MIPOL1: variants seen among roughly 807,000 people sequenced by gnomAD.
The protein encoded by MIPOL1 is mirror-image polydactyly 1, also known as mirror-image polydactyly gene 1 protein.
MIPOL1 carries 57 observed loss-of-function variants against 60.9 expected under a neutral mutation model. The ratio of observed to expected loss-of-function variants is 0.94; its 90% CI spans 0.76 to 1.17. The LOEUF (loss-of-function observed/expected upper bound fraction) is 1.17, where lower values mean the gene tolerates loss of function less well. Ranked by LOEUF, MIPOL1 falls within the 50% of genes most tolerant of loss-of-function variation. The pLI is 0.00. For synonymous variants in MIPOL1, 179 were observed against 168.8 expected (o/e 1.06, Z -0.47); for missense variants, 551 against 511.6 (o/e 1.08, Z -0.74).
chr14:37,228,346 T>A (rs969665064), intron 1 of MIPOL1, among the ~76,000 whole-genome samples: 3 of 144,216 alleles, frequency 2.1e-5, no homozygotes, highest in Non-Finnish European at 3.0e-5. Flanking sequence ...TTTTTTTTTT[T>A]AGTAGTTCCA....
chr14:37,517,317 CAG>C (rs1224618825), intron 12 of MIPOL1, among the ~76,000 whole-genome samples: 1 of 152,088 alleles, frequency 6.6e-6, no homozygotes, highest in East Asian at 1.9e-4. Flanking sequence ...TGTTTGGAAA[CAG>C]AAAGGGAGAA....
At chr14:37,509,614 C>G (rs1460404900) in intron 12 of MIPOL1, among the ~76,000 whole-genome samples, 9 of 151,284 alleles carry the variant, frequency 5.9e-5, no homozygotes, top group Admixed American at 5.9e-4. Flanking sequence ...TACATATATA[C>G]ATACACATTA....
intron 10 of MIPOL1, among the ~76,000 whole-genome samples, chr14:37,411,466 A>G (rs1566551779): frequency 6.6e-6 from 1 of 152,138 alleles, no homozygotes. Context: ...CAGTTTTTCC[A>G]TTCCTCATGT....
At chr14:37,373,672 T>C (rs1431916805) in intron 10 of MIPOL1, among the ~76,000 whole-genome samples, 2 of 152,196 alleles carry the variant, frequency 1.3e-5, no homozygotes, top group Non-Finnish European at 2.9e-5. Context: ...TTGCTGAGAA[T>C]GATGATTTCC....
intron 9 of MIPOL1, among the ~76,000 whole-genome samples, chr14:37,317,040 A>C (rs117403820): frequency 6.6e-6 from 1 of 152,104 alleles, no homozygotes; most frequent in Non-Finnish European, 1.5e-5. Context: ...TAGATGAGTA[A>C]ATTGATAGGA....
intron 11 of MIPOL1, among the ~76,000 whole-genome samples, chr14:37,435,500 G>T (rs2094149686): frequency 6.6e-6 from 1 of 151,888 alleles, no homozygotes; most frequent in South Asian, 2.1e-4. Context: ...TGTATTAGTG[G>T]ATTGTCCTTT....
intron 1 of MIPOL1, among the ~76,000 whole-genome samples, chr14:37,202,099 C>G (rs1230244398): frequency 1.3e-5 from 2 of 152,086 alleles, no homozygotes; most frequent in African/African-American, 4.8e-5. Flanking sequence ...CCCAAAGTGC[C>G]AGGATTACAG....
intron 11 of MIPOL1, among the ~76,000 whole-genome samples, chr14:37,476,099 C>G (rs2094769461): frequency 6.6e-6 from 1 of 152,122 alleles, no homozygotes; most frequent in South Asian, 2.1e-4. Flanking sequence ...TATAGGTTTC[C>G]TCATATAGAT....
intron 11 of MIPOL1, among the ~76,000 whole-genome samples, chr14:37,491,617 G>C (rs1429318844): frequency 2.6e-5 from 4 of 152,144 alleles, no homozygotes; most frequent in Non-Finnish European, 5.9e-5. Flanking sequence ...GAATTCAACA[G>C]ATATTTAGTG....
chr14:37,481,560 A>ACAC (rs1491233595), intron 11 of MIPOL1, among the ~76,000 whole-genome samples: 11 of 113,196 alleles, frequency 9.7e-5, no homozygotes, highest in Admixed American at 2.8e-4. Context: ...GACCCCCCCC[A>ACAC]ACACACACAC....
chr14:37,460,399 G>A (rs2094526541), intron 11 of MIPOL1, among the ~76,000 whole-genome samples: 1 of 152,052 alleles, frequency 6.6e-6, no homozygotes, highest in Admixed American at 6.6e-5. Context: ...CAGACCCACA[G>A]CCAATATCTT....
chr14:37,418,398 T>C (rs979164970), intron 10 of MIPOL1, among the ~76,000 whole-genome samples: 4 of 152,140 alleles, frequency 2.6e-5, no homozygotes, highest in Admixed American at 1.3e-4. Flanking sequence ...TGGTCAAGAC[T>C]GATATCAAGA....
In MIPOL1 at chr14:37,264,220, A is replaced by C. The variant is rs374656957; in HGVS notation, c.20-2718A>C. On this transcript the variant is annotated intron_variant, in intron 3 of 12. Transcript: ENST00000684589. ...TCAGAAATAAATTTGGGCTATGAAT[A>C]AGGTAAAGAAAATTAGGCAAAATGC... Among the ~76,000 whole-genome samples the C allele has an allele frequency of 2.0e-4, 31 of 152,272 alleles. No individual in the cohort carries two copies. In the East Asian group the frequency reaches 5.4e-3, roughly 27 times the overall value.
intron 11 of MIPOL1, chr14:37,434,346 T>G (rs1056683622): frequency 6.6e-6 from 1 of 152,234 alleles, no homozygotes; most frequent in Admixed American, 6.5e-5. Flanking sequence ...GAGAAGTGTC[T>G]GTTCATATCC....
At chr14:37,534,900 C>T (rs760575629) in intron 12 of MIPOL1, among the ~76,000 whole-genome samples, 3 of 151,862 alleles carry the variant, frequency 2.0e-5, no homozygotes, top group Non-Finnish European at 4.4e-5. Flanking sequence ...AAAATTATAC[C>T]AAAGGTAGTA....
chr14:37,480,001 T>A (rs898289458), intron 11 of MIPOL1, among the ~76,000 whole-genome samples: 3 of 151,546 alleles, frequency 2.0e-5, no homozygotes, highest in Admixed American at 6.6e-5. Flanking sequence ...AAGTAGAAAA[T>A]CTAAACAGAC....
In MIPOL1 at chr14:37,267,121, G is replaced by T. The variant is rs1448165861; in HGVS notation, c.203G>T (p.Ser68Ile). Residue 68 changes from serine to isoleucine, a missense_variant, in exon 4 of 13, where the codon AGT becomes ATT. By Grantham distance (142) the Ser-to-Ile change is moderately radical. Coordinates refer to ENST00000684589, the MANE Select transcript of MIPOL1 (RefSeq NM_001388067.1). Reference sequence around the variant, plus strand: ...AGATCAACGAATTTTCAGATCATCAGTTCTTATCCAGATGATGAGTCTGTT... The same window carrying T: ...AGATCAACGAATTTTCAGATCATCATTTCTTATCCAGATGATGAGTCTGTT... The part of the protein sequence containing the change: ...GQRSTNFQII[S>I]SYPDDESVYC... The T allele has an allele frequency of 1.2e-6, 2 of 1,613,714 alleles. No individual in the cohort carries two copies. The highest frequency in any genetic ancestry group is 1.3e-5 in the African/African-American group (1 of 74,926).
chr14:37,544,517 A>G (rs897940042), intron 12 of MIPOL1, among the ~76,000 whole-genome samples: 3 of 152,250 alleles, frequency 2.0e-5, no homozygotes, highest in Admixed American at 2.0e-4. Flanking sequence ...AGTGAGCTAC[A>G]TAATTTTTTA....
At chr14:37,552,029 A>G (rs1440800138), downstream of MIPOL1, 1 of 152,118 alleles carries the variant, frequency 6.6e-6, no homozygotes, top group Non-Finnish European at 1.5e-5. Context: ...GCATTTGATT[A>G]TTCAATCATG....
Sources: gnomAD v4.1 joint callset for allele counts (sites outside exome capture counted in the v4.1 genomes callset) on GRCh38, gnomAD v4.1.1 for gene constraint, MANE v1.5 for transcripts, NCBI Gene and HGNC (gene_info 2026-07-23, HGNC 2026-07-21) for gene names.